The following RNF144A variants were observed in gnomAD, a reference collection of about 807,000 sequenced individuals.
RNF144A encodes ring finger protein 144A.
Under a neutral mutation model 38.7 loss-of-function variants are expected in RNF144A, and 11 were observed. That is an observed-to-expected ratio of 0.28 (90% confidence interval 0.18 to 0.47). The LOEUF is 0.47. Ranked by LOEUF, RNF144A falls within the 20% of genes least tolerant of loss-of-function variation. RNF144A has a pLI of 0.99. For missense variants in RNF144A, 316 were observed against 377.2 expected, an observed-to-expected ratio of 0.84 and a Z score of 1.34; for synonymous variants, 149 against 143.9, an observed-to-expected ratio of 1.04 and a Z score of -0.25.
At chr2:7,003,454 T>C (rs1670247324) in intron 3 of RNF144A, among the ~76,000 whole-genome samples, 1 of 152,240 alleles carries the variant, frequency 6.6e-6, no homozygotes, top group South Asian at 2.1e-4. Flanking sequence ...GAAATTTAGA[T>C]GTGCAAATAC....
At chr2:6,969,230 T>TC (rs1393691573) in intron 2 of RNF144A, among the ~76,000 whole-genome samples, 1 of 152,220 alleles carries the variant, frequency 6.6e-6, no homozygotes, top group Non-Finnish European at 1.5e-5. Flanking sequence ...GAATCCTAAC[T>TC]CCCAGTACAT....
intron 6 of RNF144A, among the ~76,000 whole-genome samples, chr2:7,051,587 A>G (rs1320502220): frequency 3.3e-5 from 5 of 152,184 alleles, no homozygotes; most frequent in Admixed American, 3.3e-4. Flanking sequence ...AGTAACAAGT[A>G]TCAGTAAAAA....
intron 8 of RNF144A, among the ~76,000 whole-genome samples, chr2:7,030,778 T>A (rs1672246934): frequency 6.6e-6 from 1 of 152,102 alleles, no homozygotes; most frequent in Middle Eastern, 3.2e-3. Flanking sequence ...TATGTCATGA[T>A]TACATTGTAA....
At chr2:7,032,345 G>C (rs445075) in intron 8 of RNF144A, among the ~76,000 whole-genome samples, 4,917 of 135,676 alleles carry the variant, frequency 0.036, 1 homozygote, top group South Asian at 0.052. Flanking sequence ...CAGCTCTGCT[G>C]GAATCCGCGC....
chr2:6,972,768 A>G (rs901084280), intron 2 of RNF144A, among the ~76,000 whole-genome samples: 1 of 152,244 alleles, frequency 6.6e-6, no homozygotes, highest in Non-Finnish European at 1.5e-5. Flanking sequence ...GTCCAGGCCC[A>G]AACTCCCAGA....
At chr2:6,973,481 GT>G (rs1668115827) in intron 2 of RNF144A, among the ~76,000 whole-genome samples, 1 of 152,166 alleles carries the variant, frequency 6.6e-6, no homozygotes, top group Non-Finnish European at 1.5e-5. Flanking sequence ...CGGGTAGCAG[GT>G]CCTCCTGGTC....
At position 7,042,641 on chromosome 2, in the gene RNF144A, TCTG is replaced by T. The variant is rs1261844463; in HGVS notation, c.*2885_*2887del. ...GAAATGCCTGACCTCTCAGTCTGGCTCTGCTGTGTAGTCCATAGCCCAGCCAGA... is the reference window on the plus strand; with the variant it reads ...GAAATGCCTGACCTCTCAGTCTGGCTCTGTGTAGTCCATAGCCCAGCCAGA... On this transcript the variant is annotated 3_prime_UTR_variant, in exon 9 of 9. Transcript: ENST00000320892. The T allele has an allele frequency of 2.0e-6, 2 of 985,378 alleles. No individual in the cohort carries two copies. The highest frequency in any genetic ancestry group is 3.5e-5 in the African/African-American group (2 of 57,238). 61.0% of individuals were successfully genotyped at this position (985,378 alleles called of 1,614,324 possible). A position where few individuals can be genotyped will look rare whatever the true frequency, so the allele number is the denominator to read the frequency against.
intron 7 of RNF144A, among the ~76,000 whole-genome samples, chr2:7,029,386 G>C (rs1259304754): frequency 6.6e-6 from 1 of 152,206 alleles, no homozygotes; most frequent in Non-Finnish European, 1.5e-5. Context: ...AACACACTTA[G>C]AGAGACCAAC....
intron 1 of RNF144A, among the ~76,000 whole-genome samples, chr2:6,928,603 CCTG>C (rs1308695572): frequency 6.6e-6 from 1 of 152,220 alleles, no homozygotes. Flanking sequence ...CCACTGGCCT[CCTG>C]CATGCCCTGG....
At chr2:6,982,163 G>C (rs1668672495) in intron 2 of RNF144A, among the ~76,000 whole-genome samples, 1 of 152,200 alleles carries the variant, frequency 6.6e-6, no homozygotes, top group Middle Eastern at 3.2e-3. Flanking sequence ...GATAAGATTT[G>C]GGTGGGGACA....
rs1287649164 is a variant in RNF144A at position 6,941,489 on chromosome 2, T to C, written c.-12+342T>C. Among the ~76,000 whole-genome samples, 1 of 152,214 alleles carries C rather than the reference T, an allele frequency of 6.6e-6. No homozygotes were observed. The highest frequency in any genetic ancestry group is 1.5e-5 in the Non-Finnish European group (1 of 68,036). ...AGCTCCTGCGTGTGCCAGGCACAGC[T>C]CTAACTCAGAACTCAGTGAGGCAGC... is the stretch of plus-strand genomic sequence containing the variant. On this transcript the variant is annotated intron_variant, in intron 2 of 8. Coordinates refer to ENST00000320892, the MANE Select transcript of RNF144A (RefSeq NM_014746.6). This position sits in a 1 kb window ranked among gnomAD's most constrained non-coding sequence, Gnocchi z 6.5.
intron 1 of RNF144A, among the ~76,000 whole-genome samples, chr2:6,925,583 T>C (rs1664805135): frequency 6.6e-6 from 1 of 152,256 alleles, no homozygotes; most frequent in African/African-American, 2.4e-5. Context: ...CAGGATCTGA[T>C]GTGGGCAAGC....
intron 7 of RNF144A, among the ~76,000 whole-genome samples, chr2:7,028,556 G>A (rs894733708): frequency 4.6e-5 from 7 of 152,210 alleles, no homozygotes; most frequent in African/African-American, 1.7e-4. Context: ...GATTTGGTTT[G>A]CGTTTCAGAA....
intron 7 of RNF144A, among the ~76,000 whole-genome samples, chr2:7,026,102 C>G (rs1485216001): frequency 1.3e-5 from 2 of 152,164 alleles, no homozygotes; most frequent in Admixed American, 1.3e-4. Flanking sequence ...TGGAATGAAG[C>G]ACAGGCTGAG....
chr2:6,924,423 G>A (rs943359504), intron 1 of RNF144A, among the ~76,000 whole-genome samples: 8 of 152,354 alleles, frequency 5.3e-5, no homozygotes, highest in African/African-American at 1.2e-4. Context: ...CCATCCGAGC[G>A]CATGTCCTGG....
At chr2:6,975,339 A>G (rs1248494829) in intron 2 of RNF144A, among the ~76,000 whole-genome samples, 1 of 152,170 alleles carries the variant, frequency 6.6e-6, no homozygotes, top group Non-Finnish European at 1.5e-5. Flanking sequence ...CCTTCCCACA[A>G]CATGTGAGAA....
intron 2 of RNF144A, among the ~76,000 whole-genome samples, chr2:6,945,262 G>GTGTAGAAATGAGCAGTATT (rs1409982384): frequency 2.6e-5 from 4 of 152,218 alleles, no homozygotes; most frequent in African/African-American, 9.6e-5. Context: ...AGTTCCTAAT[G>GTGTAGAAATGAGCAGTATT]TGTAGAAATG....
In RNF144A at chr2:7,014,759, A is replaced by G. The variant is rs1671032656; in HGVS notation, c.288A>G (p.Leu96=). ...AAATTATGCAAAGATATAAAAAGCT[A>G]CAATTTGAAAGAGGTAGGTGCCTGG... ...AAEIMQRYKK[L]QFEREVLFDP... Residue 96 remains leucine (L), a synonymous_variant, in exon 5 of 9, where the codon CTA becomes CTG. Coordinates refer to ENST00000320892, the MANE Select transcript of RNF144A (RefSeq NM_014746.6). The G allele has an allele frequency of 6.2e-7, 1 of 1,612,096 alleles. No homozygotes were observed. Among genetic ancestry groups the G allele is most frequent in the Non-Finnish European group, 8.5e-7 (1 of 1,178,234 alleles).
chr2:7,031,689 C>A (rs149696699), intron 8 of RNF144A, among the ~76,000 whole-genome samples: 1 of 152,234 alleles, frequency 6.6e-6, no homozygotes. Flanking sequence ...GTTGCCAGGA[C>A]GAGGGAAAGG....
Sources: gnomAD v4.1 joint callset for allele counts (sites outside exome capture counted in the v4.1 genomes callset) on GRCh38, gnomAD v4.1.1 for gene constraint, Gnocchi (gnomAD v3.1) non-coding constraint, MANE v1.5 for transcripts, NCBI Gene and HGNC (gene_info 2026-07-23, HGNC 2026-07-21) for gene names.